Variants in GUCY2C observed in about 807,000 individuals in gnomAD.
GUCY2C encodes the protein guanylyl cyclase C.
A neutral mutation model predicts 131.1 loss-of-function variants in GUCY2C; 118 were observed. That is an observed-to-expected ratio of 0.90 (90% confidence interval 0.78 to 1.05). The LOEUF is 1.05. Ranked by LOEUF, GUCY2C falls within the 50% of genes least tolerant of loss-of-function variation. GUCY2C has a pLI of 0.00. For synonymous variants in GUCY2C, 452 were observed against 457.8 expected (o/e 0.99, Z 0.16); for missense variants, 1,161 against 1,304.4 (o/e 0.89, Z 1.69).
chr12:14,652,942 G>C lies in GUCY2C; in HGVS notation c.1533+10C>G. On this transcript the variant is annotated intron_variant, in intron 13 of 26. Coordinates refer to ENST00000261170, the MANE Select transcript of GUCY2C (RefSeq NM_004963.4). Reference sequence around the variant, plus strand: ...CCCAGTGGAGAGTTCAGAGAAGTGGGAGAGGTCACCTTTTTGTCGTATTTG... The same window carrying C: ...CCCAGTGGAGAGTTCAGAGAAGTGGCAGAGGTCACCTTTTTGTCGTATTTG... 1 of 1,584,390 alleles carries C rather than the reference G, an allele frequency of 6.3e-7. No individual in the cohort carries two copies. The highest frequency in any genetic ancestry group is 8.7e-7 in the Non-Finnish European group (1 of 1,152,804).
At chr12:14,672,795 G>GC (rs1473714462) in intron 9 of GUCY2C, 78 bp downstream of exon 9, 2 of 772,356 alleles carry the variant, frequency 2.6e-6, no homozygotes, top group Non-Finnish European at 4.7e-6. Context: ...TAATTCTTTT[G>GC]CTAGTGCTCC....
In GUCY2C at chr12:14,630,768, G is replaced by A. The variant is rs181930717; in HGVS notation, c.2158-2031C>T. 6.6e-5 allele frequency among the ~76,000 whole-genome samples: 10 copies of A among 152,212 alleles called. No homozygotes were observed. In the East Asian group the frequency reaches 1.9e-3, roughly 29 times the overall value. On this transcript the variant is annotated intron_variant, in intron 19 of 26. Transcript: ENST00000261170. ...GGGCATTGCTGAGTGATCTAGTTTCGACTCTGTATTCTGTTGGAATCAGTT... is the reference window on the plus strand; with the variant it reads ...GGGCATTGCTGAGTGATCTAGTTTCAACTCTGTATTCTGTTGGAATCAGTT...
chr12:14,657,817 C>A (rs931467276), intron 11 of GUCY2C, among the ~76,000 whole-genome samples: 1 of 152,054 alleles, frequency 6.6e-6, no homozygotes, highest in Non-Finnish European at 1.5e-5. Context: ...TCGGGGACTG[C>A]TGGTATAGAT....
chr12:14,631,978 C>A (rs1303888421), intron 19 of GUCY2C, among the ~76,000 whole-genome samples: 5 of 151,312 alleles, frequency 3.3e-5, no homozygotes, highest in Admixed American at 1.3e-4. Flanking sequence ...TCTCTGATGG[C>A]CAGTGATGGT....
chr12:14,677,104 C>G (rs564079309), intron 6 of GUCY2C, 133 bp from the exon 7 acceptor site: 2 of 336,694 alleles, frequency 5.9e-6, no homozygotes, highest in East Asian at 4.7e-5. Flanking sequence ...GCAAAACTTT[C>G]TACTTTCCCC....
chr12:14,643,540 T>C (rs768911664), intron 17 of GUCY2C, 34 bp downstream of exon 17: 1 of 1,607,852 alleles, frequency 6.2e-7, no homozygotes, highest in East Asian at 2.2e-5. Context: ...AAAAATCAGT[T>C]AGGAAACTAG....
At chr12:14,661,185 A>C in intron 10 of GUCY2C, 123 bp from the exon 11 acceptor site, 1 of 636,286 alleles carries the variant, frequency 1.6e-6, no homozygotes, top group East Asian at 2.8e-5. Context: ...TTTATTTTTT[A>C]TTAATTTCTC....
At chr12:14,630,701 A>G (rs1947124457) in intron 19 of GUCY2C, among the ~76,000 whole-genome samples, 1 of 152,130 alleles carries the variant, frequency 6.6e-6, no homozygotes, top group South Asian at 2.1e-4. Flanking sequence ...TCCTGGGACC[A>G]ATTCCCTATG....
chr12:14,650,812 A>G lies in GUCY2C; in HGVS notation c.1710+595T>C, dbSNP rs541391036. On this transcript the variant is annotated intron_variant, in intron 15 of 26. Transcript: ENST00000261170. ...AAGAGCCCTCAGATGTTAGAATAAC[A>G]AGCATGAAATAACTTTTAAAAGAGA... 9.8e-5 allele frequency among the ~76,000 whole-genome samples: 15 copies of G among 152,362 alleles called. No homozygotes were observed. The South Asian group carries it at 2.3e-3, about 23-fold the overall frequency.
chr12:14,663,430 C>T (rs776741539), intron 10 of GUCY2C, among the ~76,000 whole-genome samples: 2 of 152,130 alleles, frequency 1.3e-5, no homozygotes, highest in Non-Finnish European at 1.5e-5. Context: ...TACAGGCGCA[C>T]GCCACCATGT....
In GUCY2C at chr12:14,645,116, C is replaced by CTAT. The variant is rs1317000797; in HGVS notation, c.1797+110_1797+112dup. The stretch of plus-strand genomic sequence containing the variant: ...AAAATCCTACAACCCTATGACATAG[C>CTAT]TATTATTATCATTTTACAGATGAAG... On this transcript the variant is annotated intron_variant, in intron 16 of 26. Coordinates refer to ENST00000261170, the MANE Select transcript of GUCY2C (RefSeq NM_004963.4). The CTAT allele has an allele frequency of 1.4e-5, 9 of 637,864 alleles. No homozygotes were observed. The South Asian group carries it at 1.8e-4, about 13-fold the overall frequency. 39.5% of individuals were successfully genotyped at this position (637,864 alleles called of 1,614,324 possible). A position where few individuals can be genotyped will look rare whatever the true frequency, so the allele number is the denominator to read the frequency against.
intron 10 of GUCY2C, among the ~76,000 whole-genome samples, chr12:14,664,865 C>G (rs776252993): frequency 2.0e-5 from 3 of 151,680 alleles, no homozygotes; most frequent in Non-Finnish European, 4.4e-5. Flanking sequence ...TTCATTCATT[C>G]ATTCATTCAT....
rs1947076342 is a variant in GUCY2C, at chr12:14,628,732, G to C, written c.2163C>G (p.Tyr721Ter). The change falls in exon 20 of 27, where the codon TAC (tyrosine) becomes TAG (stop). Residue 721 changes from tyrosine (Y) to a stop codon, truncating the protein, a stop_gained. Transcript: ENST00000261170. LOFTEE classifies it high-confidence loss of function. ...CCTCCCAACAGTTTTTTACAAGTAG[G>C]TACACCTGGAAGAAAAAAAAACGGG... ...ETAEEKELEV[Y>*]LLVKNCWEED... 6.5e-7 allele frequency: 1 copy of C among 1,548,292 alleles called. No individual in the cohort carries two copies. The highest frequency in any genetic ancestry group is 1.8e-5 in the Admixed American group (1 of 56,226).
chr12:14,635,373 G>C (rs1592711), intron 19 of GUCY2C, among the ~76,000 whole-genome samples: 1 of 152,158 alleles, frequency 6.6e-6, no homozygotes, highest in Non-Finnish European at 1.5e-5. Context: ...CCATTGAGTC[G>C]ATAAAGAAAT....
In GUCY2C at chr12:14,628,648, A is replaced by C. The variant is rs763866113; in HGVS notation, c.2247T>G (p.Phe749Leu). 6 of 1,486,492 alleles carry C rather than the reference A, an allele frequency of 4.0e-6. No individual in the cohort carries two copies. The highest frequency in any genetic ancestry group is 5.6e-6 in the Non-Finnish European group (6 of 1,063,642). 92.1% of individuals were successfully genotyped at this position (1,486,492 alleles called of 1,614,324 possible). A position where few individuals can be genotyped will look rare whatever the true frequency, so the allele number is the denominator to read the frequency against. The change falls in exon 20 of 27, where the codon TTT becomes TTG. Residue 749 changes from phenylalanine (F) to leucine (L), a missense_variant and splice_region_variant. Physicochemically the swap from Phe to Leu is conservative, Grantham distance 22. Coordinates refer to ENST00000261170, the MANE Select transcript of GUCY2C (RefSeq NM_004963.4). Reference protein sequence around the residue: ...KKIETTLAKIFGLFHDQKNES... With the variant: ...KKIETTLAKILGLFHDQKNES... ...AAAAGTAAACATTTCAGCAATACCC[A>C]AATATCTTGGCAAGTGTAGTCTCAA... is the stretch of plus-strand genomic sequence containing the variant.
At chr12:14,646,726 T>C (rs1947530417) in intron 15 of GUCY2C, among the ~76,000 whole-genome samples, 1 of 152,192 alleles carries the variant, frequency 6.6e-6, no homozygotes, top group Non-Finnish European at 1.5e-5. Context: ...TATATGCAGA[T>C]TTATATGTTT....
intron 20 of GUCY2C, among the ~76,000 whole-genome samples, chr12:14,626,755 AG>A: frequency 6.6e-6 from 1 of 152,348 alleles, no homozygotes; most frequent in East Asian, 1.9e-4. Flanking sequence ...TAAGCGAAAA[AG>A]TCAGTTTATA....
chr12:14,651,044 A>G (rs770932215), intron 15 of GUCY2C, among the ~76,000 whole-genome samples: 1 of 152,166 alleles, frequency 6.6e-6, no homozygotes, highest in Non-Finnish European at 1.5e-5. Context: ...CAGAACCAAG[A>G]ATGATGACCA....
At chr12:14,647,726 C>T (rs1351432598) in intron 15 of GUCY2C, among the ~76,000 whole-genome samples, 3 of 151,864 alleles carry the variant, frequency 2.0e-5, no homozygotes, top group Admixed American at 1.3e-4. Flanking sequence ...TTGCATTTCA[C>T]GTTGAGTATT....
Sources: gnomAD v4.1 joint callset for allele counts (sites outside exome capture counted in the v4.1 genomes callset) on GRCh38, gnomAD v4.1.1 for gene constraint, MANE v1.5 for transcripts, NCBI Gene and HGNC (gene_info 2026-07-23, HGNC 2026-07-21) for gene names.